Variants in ACSL6 observed in about 807,000 individuals in gnomAD.
ACSL6 encodes the protein acyl-CoA synthetase long chain family member 6.
ACSL6 carries 47 observed loss-of-function variants against 98.2 expected under a neutral mutation model. The ratio of observed to expected loss-of-function variants is 0.48; its 90% CI spans 0.38 to 0.61. The LOEUF is 0.61. Ranked by LOEUF, ACSL6 falls within the 20% of genes least tolerant of loss-of-function variation. The probability of loss-of-function intolerance (pLI) is 0.00; values close to 1 mark genes in which losing one functional copy is unlikely to be tolerated. For synonymous variants in ACSL6, 362 were observed against 336.9 expected, an observed-to-expected ratio of 1.07 and a Z score of -0.82; for missense variants, 761 against 913.4, an observed-to-expected ratio of 0.83 and a Z score of 2.15.
intron 1 of ACSL6, chr5:131,999,623 C>G (rs987289503): frequency 3.9e-5 from 6 of 152,346 alleles, no homozygotes; most frequent in African/African-American, 1.4e-4. Context: ...GGTGGTAGAG[C>G]CGTTAGCAGT....
chr5:131,986,882 T>C (rs1483027837), intron 7 of ACSL6, 28 bp from the exon 8 acceptor site: 1 of 1,613,778 alleles, frequency 6.2e-7, no homozygotes, highest in Non-Finnish European at 8.5e-7. Context: ...TGTTTTTAAA[T>C]GCTCAAAAGT....
At chr5:131,996,300 G>A (rs767054063) in intron 1 of ACSL6, among the ~76,000 whole-genome samples, 6 of 152,192 alleles carry the variant, frequency 3.9e-5, no homozygotes, top group Non-Finnish European at 8.8e-5. Flanking sequence ...GATTCACCAG[G>A]GAAAATCACT....
At chr5:131,983,435 C>T (rs1309929148) in intron 9 of ACSL6, 1 of 152,176 alleles carries the variant, frequency 6.6e-6, no homozygotes, top group South Asian at 2.1e-4. Context: ...GAATCATGGG[C>T]CAAATGTCAG....
chr5:132,003,271 C>T (rs1755191650), intron 1 of ACSL6, among the ~76,000 whole-genome samples: 1 of 152,242 alleles, frequency 6.6e-6, no homozygotes, highest in African/African-American at 2.4e-5. Context: ...CTGCCACCTC[C>T]TGAATCCCCC....
rs1019005256 is a variant in ACSL6, at chr5:131,997,457, G to A, written c.50-3206C>T. Among the ~76,000 whole-genome samples the A allele has an allele frequency of 2.0e-5, 3 of 152,232 alleles. No homozygotes were observed. The South Asian group carries it at 6.2e-4, about 32-fold the overall frequency. ...ACAATCCATCCTTTCCTTCGCATTG[G>A]CACTGAACCCACAGACAACCAGCTC... On this transcript the variant is annotated intron_variant, in intron 1 of 20. Coordinates refer to ENST00000651883, the MANE Select transcript of ACSL6 (RefSeq NM_001009185.3).
At chr5:131,973,178 C>G in intron 12 of ACSL6, 88 bp downstream of exon 12, 2 of 1,525,582 alleles carry the variant, frequency 1.3e-6, no homozygotes, top group Non-Finnish European at 1.8e-6. Context: ...AGTGGAGGCA[C>G]TGAAAGCCTG....
chr5:131,962,660 T>A lies in ACSL6; in HGVS notation c.1732A>T (p.Ile578Phe). ...KWLPAGTLKI[I>F]DRKKHIFKLA... The stretch of plus-strand genomic sequence containing the variant: ...TTAAATATATGCTTTTTCCGATCAA[T>A]AATTTTAAGAGTTCCTGCCTGTAGA... Residue 578 changes from isoleucine (I) to phenylalanine (F), a missense_variant, in exon 18 of 21, where the codon ATT becomes TTT. Coordinates refer to ENST00000651883, the MANE Select transcript of ACSL6 (RefSeq NM_001009185.3). 1 of 1,614,108 alleles carries A rather than the reference T, an allele frequency of 6.2e-7. No individual in the cohort carries two copies. Among genetic ancestry groups the A allele is most frequent in the Non-Finnish European group, 8.5e-7 (1 of 1,179,982 alleles).
chr5:131,995,245 G>C (rs1475319699), intron 1 of ACSL6, among the ~76,000 whole-genome samples: 1 of 152,148 alleles, frequency 6.6e-6, no homozygotes, highest in South Asian at 2.1e-4. Context: ...CAGGCCCCAG[G>C]GGCCTGCGGC....
At chr5:131,980,105 G>C (rs1753812460) in intron 9 of ACSL6, among the ~76,000 whole-genome samples, 1 of 152,174 alleles carries the variant, frequency 6.6e-6, no homozygotes, top group Non-Finnish European at 1.5e-5. Flanking sequence ...AAGTGGGTTT[G>C]GGGACAGTTC....
chr5:131,983,052 T>C (rs1422171467), intron 9 of ACSL6: 1 of 152,252 alleles, frequency 6.6e-6, no homozygotes, highest in Non-Finnish European at 1.5e-5. Flanking sequence ...CTGAAAGTTA[T>C]GTTTTTTAAA....
rs1429846660 is a variant in ACSL6, at chr5:131,982,161, T to A, written c.916+3246A>T. 1.5e-4 allele frequency: 18 copies of A among 118,662 alleles called. No homozygotes were observed. In the Admixed American group the frequency reaches 1.6e-3, roughly 10 times the overall value. 7.4% of individuals were successfully genotyped at this position (118,662 alleles called of 1,614,324 possible). Reference sequence around the variant, plus strand: ...CTTTTTTTTTTTTTTTTTTTTTTTTTGAGACGGAGTCTCGCTCTGTCGCCC... The same window carrying A: ...CTTTTTTTTTTTTTTTTTTTTTTTTAGAGACGGAGTCTCGCTCTGTCGCCC... On this transcript the variant is annotated intron_variant, in intron 9 of 20. Coordinates refer to ENST00000651883, the MANE Select transcript of ACSL6 (RefSeq NM_001009185.3).
intron 4 of ACSL6, 102 bp downstream of exon 4, chr5:131,989,998 A>T: frequency 8.0e-7 from 1 of 1,250,154 alleles, no homozygotes; most frequent in Non-Finnish European, 1.1e-6. Flanking sequence ...AGGGAAATAA[A>T]TGACCCTCTG....
intron 1 of ACSL6, among the ~76,000 whole-genome samples, chr5:132,003,212 A>G (rs1755188976): frequency 6.6e-6 from 1 of 152,182 alleles, no homozygotes; most frequent in East Asian, 1.9e-4. Flanking sequence ...GAAGAAACAA[A>G]TCTGAATTTC....
At chr5:132,003,900 T>A in intron 1 of ACSL6, 1 of 152,186 alleles carries the variant, frequency 6.6e-6, no homozygotes, top group Non-Finnish European at 1.5e-5. Flanking sequence ...AAAACAGTAG[T>A]GGCGGAATCT....
chr5:132,004,399 C>T (rs377264032), intron 1 of ACSL6, among the ~76,000 whole-genome samples: 1 of 152,254 alleles, frequency 6.6e-6, no homozygotes, highest in East Asian at 1.9e-4. Context: ...CACATGTGGC[C>T]GTTGAGCCTG....
intron 5 of ACSL6, 152 bp from the exon 6 acceptor site, chr5:131,989,056 C>T: frequency 1.5e-6 from 1 of 685,150 alleles, no homozygotes; most frequent in Non-Finnish European, 2.5e-6. Context: ...TCACCCACAG[C>T]CTTCTGGACC....
At chr5:132,009,182 C>T (rs1388243536) in intron 1 of ACSL6, among the ~76,000 whole-genome samples, 26 of 152,254 alleles carry the variant, frequency 1.7e-4, no homozygotes, top group Admixed American at 1.7e-3. Context: ...GCTCCTCCTC[C>T]TGGTGCATTG....
chr5:131,968,471 T>C (rs551819273), intron 15 of ACSL6, among the ~76,000 whole-genome samples: 1 of 152,308 alleles, frequency 6.6e-6, no homozygotes, highest in South Asian at 2.1e-4. Context: ...ATTACTATGC[T>C]GGAAATCTAG....
intron 17 of ACSL6, among the ~76,000 whole-genome samples, chr5:131,965,058 T>C (rs2149700471): frequency 6.6e-6 from 1 of 152,330 alleles, no homozygotes; most frequent in Non-Finnish European, 1.5e-5. Context: ...TCACTGGAGA[T>C]ACATCTTTGT....
Sources: allele counts gnomAD v4.1 joint callset (sites outside exome capture counted in the v4.1 genomes callset), GRCh38; gene constraint gnomAD v4.1.1; transcripts MANE v1.5; gene names NCBI Gene and HGNC (gene_info 2026-07-23, HGNC 2026-07-21).